Variants in DAP observed in about 807,000 individuals in gnomAD.
The protein encoded by DAP is death associated protein, also known as death-associated protein 1.
DAP carries 8 observed loss-of-function variants against 13.8 expected under a neutral mutation model. The observed-to-expected ratio is 0.58, with a 90% CI of 0.34 to 1.05. DAP has a LOEUF of 1.05. Ranked by LOEUF, DAP falls within the 50% of genes least tolerant of loss-of-function variation. The probability of loss-of-function intolerance (pLI) is 0.03; values close to 1 mark genes in which losing one functional copy is unlikely to be tolerated. For missense variants in DAP, 106 were observed against 133.2 expected, an observed-to-expected ratio of 0.80 and a Z score of 1.01; for synonymous variants, 47 against 47.5, an observed-to-expected ratio of 0.99 and a Z score of 0.04.
rs150789847 is a variant in DAP at position 10,680,389 on chromosome 5, T to G, written c.*667A>C. ...CTGGGCTTGCCGTGCCGAGATCTCA[T>G]GCCAGAAGTCCTCCCTCGGAGCTAC... On this transcript the variant is annotated 3_prime_UTR_variant, in exon 4 of 4. Transcript: ENST00000230895. 6.0e-3 allele frequency: 1,906 copies of G among 320,240 alleles called. 13 individuals carry two copies. The highest frequency in any genetic ancestry group is 0.01 in the Middle Eastern group (11 of 1,054). 19.8% of individuals were successfully genotyped at this position (320,240 alleles called of 1,614,324 possible).
intron 2 of DAP, among the ~76,000 whole-genome samples, chr5:10,722,740 G>A (rs1429858182): frequency 6.6e-6 from 1 of 151,872 alleles, no homozygotes; most frequent in Non-Finnish European, 1.5e-5. Context: ...AACTATATGG[G>A]GGAAAATGAC....
intron 2 of DAP, among the ~76,000 whole-genome samples, chr5:10,731,520 A>C (rs750331499): frequency 6.6e-6 from 1 of 152,096 alleles, no homozygotes; most frequent in Non-Finnish European, 1.5e-5. Context: ...CCTGCACTTC[A>C]TTCCTTTTCT....
At chr5:10,713,547 C>T (rs1290718132) in intron 2 of DAP, among the ~76,000 whole-genome samples, 1 of 152,168 alleles carries the variant, frequency 6.6e-6, no homozygotes, top group African/African-American at 2.4e-5. Context: ...CTGTTTTACC[C>T]CCACTTTCCA....
intron 2 of DAP, among the ~76,000 whole-genome samples, chr5:10,739,784 A>ACAC (rs1561029940): frequency 7.9e-5 from 6 of 76,074 alleles, no homozygotes; most frequent in African/African-American, 3.7e-4. Flanking sequence ...ATACTAAATT[A>ACAC]ACTCACACAC....
chr5:10,688,218 T>TTGTC (rs1738205572), intron 2 of DAP, among the ~76,000 whole-genome samples: 1 of 151,944 alleles, frequency 6.6e-6, no homozygotes, highest in African/African-American at 2.4e-5. Context: ...ACCTGGCCTG[T>TTGTC]TGTCTTATTT....
intron 2 of DAP, among the ~76,000 whole-genome samples, chr5:10,738,563 A>G (rs1270055086): frequency 2.0e-5 from 3 of 152,252 alleles, no homozygotes; most frequent in African/African-American, 7.2e-5. Context: ...ACTGAGGAAA[A>G]TCCTACAAAA....
chr5:10,719,213 C>G (rs1309159463), intron 2 of DAP, among the ~76,000 whole-genome samples: 1 of 152,212 alleles, frequency 6.6e-6, no homozygotes, highest in Non-Finnish European at 1.5e-5. Flanking sequence ...TTGGAGGCAA[C>G]ACATTCCTCA....
At chr5:10,748,895 G>A (rs1739977260) in intron 1 of DAP, among the ~76,000 whole-genome samples, 1 of 152,184 alleles carries the variant, frequency 6.6e-6, no homozygotes, top group Admixed American at 6.5e-5. Context: ...GGTTTTGAGT[G>A]CATTCAGAAT....
intron 2 of DAP, among the ~76,000 whole-genome samples, chr5:10,722,537 T>C (rs1368776462): frequency 2.0e-5 from 3 of 149,116 alleles, no homozygotes; most frequent in African/African-American, 4.9e-5. Context: ...CATGCATATA[T>C]ATACATATAT....
At position 10,722,349 on chromosome 5, in the gene DAP, C is replaced by T. The variant is rs186893266; in HGVS notation, c.152+25826G>A. ...GCCTACATCTTTCTCCCATGCTGGA[C>T]GCTTCCTGCCCTCGAACATCGGACT... On this transcript the variant is annotated intron_variant, in intron 2 of 3. Coordinates refer to ENST00000230895, the MANE Select transcript of DAP (RefSeq NM_004394.3). 1.2e-3 allele frequency among the ~76,000 whole-genome samples: 188 copies of T among 152,208 alleles called. 1 individual carries two copies. Among genetic ancestry groups the T allele is most frequent in the African/African-American group, 4.3e-3 (177 of 41,528 alleles).
At chr5:10,710,242 C>T (rs999752484) in intron 2 of DAP, among the ~76,000 whole-genome samples, 5 of 147,978 alleles carry the variant, frequency 3.4e-5, no homozygotes, top group Non-Finnish European at 7.3e-5. Flanking sequence ...CATAAGGAAG[C>T]CTTCACAGCC....
intron 2 of DAP, among the ~76,000 whole-genome samples, chr5:10,730,643 T>TG (rs1739430059): frequency 1.1e-5 from 1 of 91,500 alleles, no homozygotes; most frequent in African/African-American, 4.5e-5. Flanking sequence ...AGAGCCCTGG[T>TG]AGGGGGGAAT....
intron 2 of DAP, among the ~76,000 whole-genome samples, chr5:10,724,470 A>G (rs1739233695): frequency 6.6e-6 from 1 of 152,242 alleles, no homozygotes; most frequent in Non-Finnish European, 1.5e-5. Context: ...ACTACAGATG[A>G]GGAAACAGGC....
In DAP at chr5:10,680,772, C is replaced by G. The variant is rs766715044; in HGVS notation, c.*284G>C. 4 of 1,536,580 alleles carry G rather than the reference C, an allele frequency of 2.6e-6. No homozygotes were observed. In the South Asian group the frequency reaches 4.8e-5, roughly 18 times the overall value. ...ACGTCAGGTGACTGCTGAAATAGAACTAAAGCTAAAATTTTTCTCGGATCT... is the reference window on the plus strand; with the variant it reads ...ACGTCAGGTGACTGCTGAAATAGAAGTAAAGCTAAAATTTTTCTCGGATCT... On this transcript the variant is annotated 3_prime_UTR_variant, in exon 4 of 4. Transcript: ENST00000230895.
intron 1 of DAP, among the ~76,000 whole-genome samples, chr5:10,749,904 C>T (rs564766297): frequency 2.0e-5 from 3 of 152,286 alleles, no homozygotes; most frequent in East Asian, 3.9e-4. Flanking sequence ...CGTTCCTCCA[C>T]GCCCTCAGCT....
intron 2 of DAP, among the ~76,000 whole-genome samples, chr5:10,739,784 A>ACACACAC (rs1561029940): frequency 1.1e-4 from 8 of 76,172 alleles, no homozygotes; most frequent in African/African-American, 4.3e-4. Context: ...ATACTAAATT[A>ACACACAC]ACTCACACAC....
At chr5:10,717,755 A>C (rs1392294715) in intron 2 of DAP, among the ~76,000 whole-genome samples, 1 of 152,216 alleles carries the variant, frequency 6.6e-6, no homozygotes, top group African/African-American at 2.4e-5. Flanking sequence ...CAGCTACGAC[A>C]ATGAACGGCA....
Position 10,731,327 on chromosome 5 carries a change from G to A in DAP, c.152+16848C>T, listed in dbSNP as rs150614064. Among the ~76,000 whole-genome samples, 246 of 152,240 alleles carry A rather than the reference G, an allele frequency of 1.6e-3. No homozygotes were observed. The South Asian group carries it at 0.021, about 13-fold the overall frequency. ...AATCTTTCTCTACTGAGAGCCCTGC[G>A]GGTGGAGGAAAGGGAGGAATCTCTC... On this transcript the variant is annotated intron_variant, in intron 2 of 3. Coordinates refer to ENST00000230895, the MANE Select transcript of DAP (RefSeq NM_004394.3).
At chr5:10,683,406 C>A in intron 3 of DAP, 123 bp downstream of exon 3, 1 of 971,378 alleles carries the variant, frequency 1.0e-6, no homozygotes, top group Non-Finnish European at 1.7e-6. Context: ...GCCATGGCCA[C>A]AGAGGAGATG....
Sources: allele counts gnomAD v4.1 joint callset (sites outside exome capture counted in the v4.1 genomes callset), GRCh38; gene constraint gnomAD v4.1.1; transcripts MANE v1.5; gene names NCBI Gene and HGNC (gene_info 2026-07-23, HGNC 2026-07-21).